SGCZ: variants seen among roughly 807,000 people sequenced by gnomAD.
The protein encoded by SGCZ is sarcoglycan zeta.
Under a neutral mutation model 41.3 loss-of-function variants are expected in SGCZ, and 40 were observed. That is an observed-to-expected ratio of 0.97 (90% confidence interval 0.75 to 1.26). The LOEUF (loss-of-function observed/expected upper bound fraction) is 1.26. SGCZ is among the 50% of genes most tolerant of loss of function. The pLI, the probability that SGCZ is intolerant of heterozygous loss-of-function variation, is 0.00. For synonymous variants in SGCZ, 206 were observed against 137.5 expected (o/e 1.50, Z -3.49); for missense variants, 552 against 369.8 (o/e 1.49, Z -4.04).
chr8:14,716,093 G>A (rs536864380), intron 1 of SGCZ, among the ~76,000 whole-genome samples: 18 of 152,054 alleles, frequency 1.2e-4, no homozygotes, highest in East Asian at 1.2e-3. Flanking sequence ...AAACAAGGCC[G>A]ATAAAGTGGA....
At chr8:14,690,476 C>T (rs189909067) in intron 1 of SGCZ, 2 of 152,152 alleles carry the variant, frequency 1.3e-5, no homozygotes, top group African/African-American at 2.4e-5. Context: ...AACATTGCAA[C>T]CAAGTGGCGT....
chr8:14,863,829 T>C (rs1174064423), intron 1 of SGCZ, among the ~76,000 whole-genome samples: 2 of 152,068 alleles, frequency 1.3e-5, no homozygotes, highest in East Asian at 1.9e-4. Context: ...ATGCTGGAAA[T>C]ACACTAATAT....
chr8:14,339,374 A>T (rs1802619993), intron 2 of SGCZ, among the ~76,000 whole-genome samples: 1 of 152,194 alleles, frequency 6.6e-6, no homozygotes, highest in Admixed American at 6.5e-5. Context: ...TGTTCTCTAA[A>T]TGTTTAAATA....
chr8:15,218,588 T>A (rs901184698), intron 1 of SGCZ, among the ~76,000 whole-genome samples: 1 of 152,246 alleles, frequency 6.6e-6, no homozygotes, highest in Non-Finnish European at 1.5e-5. Context: ...GATTTTAACA[T>A]GGCCACCTAC....
intron 3 of SGCZ, among the ~76,000 whole-genome samples, chr8:14,254,503 A>C (rs928091334): frequency 2.6e-5 from 4 of 152,218 alleles, no homozygotes; most frequent in African/African-American, 9.6e-5. Context: ...GTGAAGCAGT[A>C]AATGAAATGA....
chr8:14,777,391 T>G (rs1800439217), intron 1 of SGCZ, among the ~76,000 whole-genome samples: 1 of 152,154 alleles, frequency 6.6e-6, no homozygotes, highest in African/African-American at 2.4e-5. Flanking sequence ...TTCTATACAC[T>G]TCAGGTGGGA....
chr8:14,730,835 C>G (rs970777801), intron 1 of SGCZ, among the ~76,000 whole-genome samples: 1 of 151,644 alleles, frequency 6.6e-6, no homozygotes, highest in African/African-American at 2.4e-5. Context: ...AGAAAGAATG[C>G]TGTAGCATCT....
intron 2 of SGCZ, among the ~76,000 whole-genome samples, chr8:14,381,534 GGAAGCTCAACCAGGCA>G (rs1804364187): frequency 6.6e-6 from 1 of 152,070 alleles, no homozygotes; most frequent in Non-Finnish European, 1.5e-5. Flanking sequence ...CAGTATGGTG[GGAAGCTCAACCAGGCA>G]GATCGCTTGA....
intron 1 of SGCZ, among the ~76,000 whole-genome samples, chr8:14,812,550 C>T (rs34959386): frequency 6.6e-6 from 1 of 152,086 alleles, no homozygotes; most frequent in South Asian, 2.1e-4. Context: ...GAATTCTTTC[C>T]ATAATTTGAG....
intron 4 of SGCZ, among the ~76,000 whole-genome samples, chr8:14,233,591 A>AAT (rs749854594): frequency 0.2 from 24,872 of 127,358 alleles, 2,856 homozygotes; most frequent in Non-Finnish European, 0.3. Context: ...TTCTATATAA[A>AAT]ATATAGATAT....
intron 3 of SGCZ, among the ~76,000 whole-genome samples, chr8:14,242,191 T>C (rs181948921): frequency 2.0e-5 from 3 of 152,312 alleles, no homozygotes; most frequent in Admixed American, 1.3e-4. Flanking sequence ...GATATGGGTG[T>C]TTCAGGTAAG....
intron 1 of SGCZ, among the ~76,000 whole-genome samples, chr8:15,223,457 T>C (rs1196555139): frequency 2.6e-5 from 4 of 152,194 alleles, no homozygotes; most frequent in Admixed American, 2.6e-4. Flanking sequence ...AGCCTAGAAA[T>C]ATGTAGTAAA....
intron 3 of SGCZ, among the ~76,000 whole-genome samples, chr8:14,289,397 G>C (rs1449693549): frequency 2.0e-5 from 3 of 152,008 alleles, no homozygotes; most frequent in South Asian, 4.2e-4. Context: ...TAATTTTGTA[G>C]TGTTAGTTGT....
intron 2 of SGCZ, among the ~76,000 whole-genome samples, chr8:14,449,562 G>A (rs754743067): frequency 6.6e-6 from 1 of 152,004 alleles, no homozygotes; most frequent in African/African-American, 2.4e-5. Context: ...TTATATCTAG[G>A]TCAGTTCATT....
chr8:14,693,403 T>C (rs1341639547), intron 1 of SGCZ, among the ~76,000 whole-genome samples: 1 of 151,782 alleles, frequency 6.6e-6, no homozygotes, highest in Non-Finnish European at 1.5e-5. Flanking sequence ...GCGATTCTCC[T>C]GCCTTAGCCT....
intron 1 of SGCZ, among the ~76,000 whole-genome samples, chr8:14,626,879 T>C (rs545148024): frequency 6.6e-6 from 1 of 152,240 alleles, no homozygotes; most frequent in East Asian, 1.9e-4. Flanking sequence ...TTTGTGATGG[T>C]AGCAAACTAA....
At chr8:14,481,702 G>A (rs1275733779) in intron 2 of SGCZ, among the ~76,000 whole-genome samples, 1 of 151,992 alleles carries the variant, frequency 6.6e-6, no homozygotes, top group Non-Finnish European at 1.5e-5. Context: ...TATACTAGGA[G>A]AATGGATTAT....
At chr8:14,875,849 T>C (rs1051520809) in intron 1 of SGCZ, among the ~76,000 whole-genome samples, 1 of 152,090 alleles carries the variant, frequency 6.6e-6, no homozygotes, top group Non-Finnish European at 1.5e-5. Context: ...ATTTAGTTGG[T>C]TGAAAAATGG....
intron 2 of SGCZ, among the ~76,000 whole-genome samples, chr8:14,436,165 G>C (rs777748619): frequency 6.6e-6 from 1 of 152,060 alleles, no homozygotes; most frequent in African/African-American, 2.4e-5. Flanking sequence ...CCTCTGCCCC[G>C]ACCTCTTGCC....
Sources: gnomAD v4.1 joint callset for allele counts (sites outside exome capture counted in the v4.1 genomes callset) on GRCh38, gnomAD v4.1.1 for gene constraint, MANE v1.5 for transcripts, NCBI Gene and HGNC (gene_info 2026-07-23, HGNC 2026-07-21) for gene names.